The following SNX29 variants were observed in gnomAD, a reference collection of about 807,000 sequenced individuals.
SNX29 encodes sorting nexin 29.
A neutral mutation model predicts 102.1 loss-of-function variants in SNX29; 78 were observed. The ratio of observed to expected loss-of-function variants is 0.76; its 90% CI spans 0.64 to 0.92. The LOEUF is 0.92. Ranked by LOEUF, SNX29 falls within the 40% of genes least tolerant of loss-of-function variation. The probability of loss-of-function intolerance (pLI) is 0.00; values close to 1 mark genes in which losing one functional copy is unlikely to be tolerated. For missense variants in SNX29, 1,280 were observed against 1,061.7 expected (o/e 1.21, Z -2.86); for synonymous variants, 580 against 414.5 (o/e 1.40, Z -4.85).
chr16:12,564,472 T>TC lies in SNX29; in HGVS notation c.2319-4033dup, dbSNP rs574422928. On this transcript the variant is annotated intron_variant, in intron 20 of 20. Transcript: ENST00000566228. ...AGCTGTGTTTTGGGGAGGTTATGGATCTTTCTCCAAGGTCTAGAGTGTCTT... is the reference window on the plus strand; with the variant it reads ...AGCTGTGTTTTGGGGAGGTTATGGATCCTTTCTCCAAGGTCTAGAGTGTCTT... Among the ~76,000 whole-genome samples the TC allele has an allele frequency of 1.3e-3, 196 of 152,354 alleles. 2 individuals are homozygous for TC. Among genetic ancestry groups the TC allele is most frequent in the African/African-American group, 4.4e-3 (183 of 41,586 alleles).
chr16:12,058,107 A>G (rs2050594857), intron 8 of SNX29, among the ~76,000 whole-genome samples: 1 of 152,164 alleles, frequency 6.6e-6, no homozygotes, highest in Non-Finnish European at 1.5e-5. Flanking sequence ...GGTGTGAGCC[A>G]TCATGCCTGG....
intron 20 of SNX29, among the ~76,000 whole-genome samples, chr16:12,559,678 G>T (rs1457459466): frequency 6.6e-6 from 1 of 151,892 alleles, no homozygotes; most frequent in Non-Finnish European, 1.5e-5. Context: ...ATGGGCCTGG[G>T]GCAGTAACTT....
intron 1 of SNX29, among the ~76,000 whole-genome samples, chr16:11,978,075 G>C (rs1429628893): frequency 5.3e-5 from 8 of 151,826 alleles, no homozygotes; most frequent in Admixed American, 5.3e-4. Context: ...CTTTTTTGTT[G>C]GTTGGTTGTT....
chr16:11,989,679 T>C (rs1222806287), intron 1 of SNX29, among the ~76,000 whole-genome samples: 1 of 152,102 alleles, frequency 6.6e-6, no homozygotes, highest in Non-Finnish European at 1.5e-5. Flanking sequence ...AACTGTTGAG[T>C]TCCTTCTGTG....
intron 16 of SNX29, among the ~76,000 whole-genome samples, chr16:12,381,071 ACCATCCATC>A (rs1362624130): frequency 2.8e-4 from 4 of 14,384 alleles, no homozygotes; most frequent in Admixed American, 2.0e-3. Context: ...CTACCCACCT[ACCATCCATC>A]CACCCACCCA....
Position 12,050,571 on chromosome 16 carries a change from G to A in SNX29, c.749-1276G>A, listed in dbSNP as rs1002516596. Among the ~76,000 whole-genome samples the A allele has an allele frequency of 7.2e-5, 11 of 152,062 alleles. 1 individual carries two copies. Among genetic ancestry groups the A allele is most frequent in the Admixed American group, 6.6e-4 (10 of 15,252 alleles). On this transcript the variant is annotated intron_variant, in intron 7 of 20. Transcript: ENST00000566228. ...TCTGGAATCAGTGCTGGGGCAGCTC[G>A]GGTTCTACTCATAGCCTCTCATCCT...
intron 13 of SNX29, among the ~76,000 whole-genome samples, chr16:12,180,372 A>G (rs1007987053): frequency 5.9e-5 from 9 of 152,198 alleles, no homozygotes; most frequent in Non-Finnish European, 1.2e-4. Context: ...AGTAGGTCAA[A>G]GTCACTTGAG....
At chr16:11,978,546 G>A (rs182622739) in intron 1 of SNX29, among the ~76,000 whole-genome samples, 84 of 152,330 alleles carry the variant, frequency 5.5e-4, no homozygotes, top group African/African-American at 1.9e-3. Flanking sequence ...GCTGCCTGCT[G>A]TTGTTTCTGC....
chr16:12,387,816 T>C (rs890022807), intron 16 of SNX29, among the ~76,000 whole-genome samples: 4 of 152,166 alleles, frequency 2.6e-5, no homozygotes, highest in African/African-American at 9.7e-5. Flanking sequence ...AGAACATTCT[T>C]CCCCTACTTC....
At chr16:12,553,651 C>T (rs1201605080) in intron 20 of SNX29, among the ~76,000 whole-genome samples, 3 of 142,538 alleles carry the variant, frequency 2.1e-5, no homozygotes, top group Admixed American at 7.7e-5. Context: ...AGTGCAATGA[C>T]GTGATCTTGG....
chr16:11,987,461 C>T (rs1262438298), intron 1 of SNX29, among the ~76,000 whole-genome samples: 4 of 147,612 alleles, frequency 2.7e-5, no homozygotes, highest in African/African-American at 7.5e-5. Context: ...TGGAGTGCAG[C>T]GGTGTGATCA....
rs182687447 is a variant in SNX29, at chr16:12,401,233, G to A, written c.1956-2215G>A. On this transcript the variant is annotated intron_variant, in intron 17 of 20. Coordinates refer to ENST00000566228, the MANE Select transcript of SNX29 (RefSeq NM_032167.5). ...AACCAATTAGATTTAACAGCAGAAT[G>A]CACATTCTTCTCAAGTGCCTGTAAC... Among the ~76,000 whole-genome samples the A allele has an allele frequency of 3.0e-4, 45 of 152,184 alleles. 1 individual carries two copies. Among genetic ancestry groups the A allele is most frequent in the East Asian group, 2.9e-3 (15 of 5,182 alleles).
At chr16:12,392,542 T>C (rs1323822156) in intron 16 of SNX29, among the ~76,000 whole-genome samples, 2 of 152,168 alleles carry the variant, frequency 1.3e-5, no homozygotes, top group Admixed American at 6.5e-5. Context: ...GCCTACCACG[T>C]TGGACTCTGA....
At chr16:12,152,259 C>G (rs2055333839) in intron 13 of SNX29, among the ~76,000 whole-genome samples, 1 of 152,062 alleles carries the variant, frequency 6.6e-6, no homozygotes, top group African/African-American at 2.4e-5. Flanking sequence ...TGAAAAGATT[C>G]ACATCGTAGA....
intron 20 of SNX29, among the ~76,000 whole-genome samples, chr16:12,553,466 C>T (rs1050810983): frequency 6.6e-6 from 1 of 152,096 alleles, no homozygotes; most frequent in Non-Finnish European, 1.5e-5. Context: ...CAGCTCAGAC[C>T]AGCCCCAGCT....
intron 18 of SNX29, among the ~76,000 whole-genome samples, chr16:12,471,660 G>C (rs1436150575): frequency 6.6e-6 from 1 of 152,210 alleles, no homozygotes; most frequent in Non-Finnish European, 1.5e-5. Context: ...TAGGGTGAAA[G>C]CTCACTCTCC....
chr16:12,138,367 C>T (rs957544012), intron 13 of SNX29, among the ~76,000 whole-genome samples: 1 of 151,910 alleles, frequency 6.6e-6, no homozygotes, highest in Non-Finnish European at 1.5e-5. Flanking sequence ...GCCACCATGC[C>T]CAGCTCATTT....
At position 12,572,907 on chromosome 16, in the gene SNX29, C is replaced by T. The variant is rs371482828; in HGVS notation, c.*4278C>T. On this transcript the variant is annotated 3_prime_UTR_variant, in exon 21 of 21. Coordinates refer to ENST00000566228, the MANE Select transcript of SNX29 (RefSeq NM_032167.5). The stretch of plus-strand genomic sequence containing the variant: ...TGCCTTGGCATTTCGCTCGGAATCA[C>T]GGCAGACTTGGAGTGTTTCTTCAAG... 145 of 1,013,566 alleles carry T rather than the reference C, an allele frequency of 1.4e-4. 1 individual carries two copies. In the African/African-American group the frequency reaches 2.1e-3, roughly 15 times the overall value. 62.8% of individuals were successfully genotyped at this position (1,013,566 alleles called of 1,614,324 possible).
chr16:12,569,853 C>T lies in SNX29; in HGVS notation c.*1224C>T, dbSNP rs144795601. 8.4e-4 allele frequency: 195 copies of T among 230,854 alleles called. 1 individual carries two copies. Among genetic ancestry groups the T allele is most frequent in the African/African-American group, 3.8e-3 (170 of 45,320 alleles). The allele number at this position is 230,854 out of a possible 1,614,324, so 14.3% of individuals were successfully genotyped here. ...AGGGTAAACTAACTAGGAAGGATGT[C>T]GTGAAATGGACTATGCAAGAGTAAG... On this transcript the variant is annotated 3_prime_UTR_variant, in exon 21 of 21. Coordinates refer to ENST00000566228, the MANE Select transcript of SNX29 (RefSeq NM_032167.5).
Sources: allele counts gnomAD v4.1 joint callset (sites outside exome capture counted in the v4.1 genomes callset), GRCh38; gene constraint gnomAD v4.1.1; transcripts MANE v1.5; gene names NCBI Gene and HGNC (gene_info 2026-07-23, HGNC 2026-07-21).